The following ATP10A variants were observed in gnomAD, a reference collection of about 807,000 sequenced individuals.
ATP10A encodes phospholipid-transporting ATPase VA.
Under a neutral mutation model 147.8 loss-of-function variants are expected in ATP10A, and 111 were observed. The ratio of observed to expected loss-of-function variants is 0.75; its 90% CI spans 0.64 to 0.88. The LOEUF is 0.88. ATP10A is among the 40% of genes least tolerant of loss of function. The pLI is 0.00. For synonymous variants in ATP10A, 875 were observed against 841.6 expected, an observed-to-expected ratio of 1.04 and a Z score of -0.69; for missense variants, 1,927 against 1,959.0, an observed-to-expected ratio of 0.98 and a Z score of 0.31.
intron 2 of ATP10A, among the ~76,000 whole-genome samples, chr15:25,763,755 T>C (rs8026161): frequency 0.94 from 142,672 of 152,286 alleles, 67,330 homozygotes; most frequent in Non-Finnish European, 1. Context: ...AGCTGGCCAG[T>C]TATAAGCTCC....
chr15:25,858,203 G>A (rs544844724), intron 1 of ATP10A, among the ~76,000 whole-genome samples: 39 of 152,338 alleles, frequency 2.6e-4, no homozygotes, highest in Non-Finnish European at 4.3e-4. Context: ...CCCTGCTTAA[G>A]AAGAACTGGC....
intron 1 of ATP10A, among the ~76,000 whole-genome samples, chr15:25,850,633 C>T (rs1555480947): frequency 6.6e-6 from 1 of 150,556 alleles, no homozygotes; most frequent in Non-Finnish European, 1.5e-5. Context: ...TCCATTCTCC[C>T]TCCCTCCCTC....
intron 1 of ATP10A, among the ~76,000 whole-genome samples, chr15:25,856,335 C>T (rs1893517693): frequency 6.6e-6 from 1 of 152,162 alleles, no homozygotes; most frequent in South Asian, 2.1e-4. Context: ...CTCCTGCTAC[C>T]TTGTAAAGAG....
At chr15:25,773,514 A>T (rs1295202137) in intron 2 of ATP10A, among the ~76,000 whole-genome samples, 1 of 151,972 alleles carries the variant, frequency 6.6e-6, no homozygotes, top group Non-Finnish European at 1.5e-5. Context: ...TTGCGTGGGC[A>T]CCCCTCACGT....
At position 25,721,995 on chromosome 15, in the gene ATP10A, C is replaced by T. The variant is rs1902268589; in HGVS notation, c.1111-86G>A. On this transcript the variant is annotated intron_variant, in intron 6 of 20. Transcript: ENST00000555815. ...TCAAATCTATTTAAATAACAAATGA[C>T]TACAACCGCAAGAAAGTAGGGACTA... The T allele has an allele frequency of 2.8e-6, 4 of 1,420,536 alleles. No homozygotes were observed. In the African/African-American group the frequency reaches 5.7e-5, roughly 20 times the overall value. 88.0% of individuals were successfully genotyped at this position (1,420,536 alleles called of 1,614,324 possible). A position where few individuals can be genotyped will look rare whatever the true frequency, so the allele number is the denominator to read the frequency against.
chr15:25,730,028 C>T (rs1258344079), intron 3 of ATP10A, among the ~76,000 whole-genome samples: 1 of 151,764 alleles, frequency 6.6e-6, no homozygotes, highest in Non-Finnish European at 1.5e-5. Context: ...CGGTGGCTCA[C>T]ACCTGTAATC....
At chr15:25,699,237 G>A (rs780433247) in intron 13 of ATP10A, among the ~76,000 whole-genome samples, 23 of 152,154 alleles carry the variant, frequency 1.5e-4, no homozygotes, top group African/African-American at 3.6e-4. Context: ...AATACACGTC[G>A]TATTGGTGAA....
intron 14 of ATP10A, among the ~76,000 whole-genome samples, chr15:25,694,326 C>T (rs918668285): frequency 5.9e-5 from 9 of 152,252 alleles, no homozygotes; most frequent in Non-Finnish European, 5.9e-5. Context: ...AAGCCTGTCC[C>T]AGAACCATCA....
At chr15:25,725,497 G>A (rs1198765226) in intron 5 of ATP10A, among the ~76,000 whole-genome samples, 2 of 152,128 alleles carry the variant, frequency 1.3e-5, no homozygotes, top group East Asian at 1.9e-4. Context: ...TCACCCAGGC[G>A]TTTCCATGTG....
At chr15:25,732,641 C>T (rs1036225508) in intron 3 of ATP10A, among the ~76,000 whole-genome samples, 2 of 716 alleles carry the variant, frequency 2.8e-3, no homozygotes, top group Non-Finnish European at 0.14. Flanking sequence ...CTGCAAGCTC[C>T]GCCTCCCGGG....
chr15:25,720,578 GGGAGA>G (rs148294873), intron 7 of ATP10A, among the ~76,000 whole-genome samples: 4,256 of 152,094 alleles, frequency 0.028, 119 homozygotes, highest in East Asian at 0.11. Flanking sequence ...GGAGGAAGGA[GGGAGA>G]GGAGAGGAGG....
intron 13 of ATP10A, among the ~76,000 whole-genome samples, chr15:25,698,878 G>A (rs1252347625): frequency 6.6e-6 from 1 of 152,102 alleles, no homozygotes. Context: ...GCTTGGGTAT[G>A]TATCTAACAA....
chr15:25,809,637 C>A (rs1044667762), intron 1 of ATP10A, among the ~76,000 whole-genome samples: 2 of 152,052 alleles, frequency 1.3e-5, no homozygotes, highest in African/African-American at 4.8e-5. Context: ...TTGAGAAAAT[C>A]TCAAACTCAC....
chr15:25,841,098 C>G (rs1480725580), intron 1 of ATP10A, among the ~76,000 whole-genome samples: 1 of 152,088 alleles, frequency 6.6e-6, no homozygotes, highest in Admixed American at 6.5e-5. Flanking sequence ...TTTCTCTGCT[C>G]TTTTTCATTG....
chr15:25,797,652 A>C (rs912124099), intron 1 of ATP10A, among the ~76,000 whole-genome samples: 1 of 152,198 alleles, frequency 6.6e-6, no homozygotes, highest in Non-Finnish European at 1.5e-5. Flanking sequence ...CTCGGGGGAC[A>C]GCCATCCAAG....
intron 1 of ATP10A, among the ~76,000 whole-genome samples, chr15:25,817,933 T>G (rs1220373879): frequency 6.6e-6 from 1 of 152,244 alleles, no homozygotes; most frequent in Admixed American, 6.5e-5. Flanking sequence ...AAAGTTGTAT[T>G]CATTTTTGGT....
intron 2 of ATP10A, among the ~76,000 whole-genome samples, chr15:25,779,958 G>C (rs953776649): frequency 6.6e-6 from 1 of 152,090 alleles, no homozygotes; most frequent in African/African-American, 2.4e-5. Flanking sequence ...CAGGCAGGCC[G>C]GGCGGGCGAG....
chr15:25,858,691 A>G (rs1257140635), intron 1 of ATP10A, among the ~76,000 whole-genome samples: 1 of 152,052 alleles, frequency 6.6e-6, no homozygotes, highest in Non-Finnish European at 1.5e-5. Flanking sequence ...CCTCCTGACT[A>G]CCTGTTTCCC....
intron 2 of ATP10A, among the ~76,000 whole-genome samples, chr15:25,761,069 A>G (rs562794666): frequency 1.5e-4 from 23 of 152,368 alleles, no homozygotes; most frequent in Admixed American, 1.5e-3. Context: ...GAGCTATACT[A>G]TATATCTCAA....
Sources: gnomAD v4.1 joint callset for allele counts (sites outside exome capture counted in the v4.1 genomes callset) on GRCh38, gnomAD v4.1.1 for gene constraint, MANE v1.5 for transcripts, NCBI Gene and HGNC (gene_info 2026-07-23, HGNC 2026-07-21) for gene names.